The following PID1 variants were observed in gnomAD, a reference collection of about 807,000 sequenced individuals.
PID1 encodes PTB-containing, cubilin and LRP1-interacting protein.
A neutral mutation model predicts 19.1 loss-of-function variants in PID1; 10 were observed. The observed-to-expected ratio is 0.52, with a 90% CI of 0.32 to 0.89. PID1 has a LOEUF of 0.89. PID1 is among the 40% of genes least tolerant of loss of function. PID1 has a pLI of 0.03. For synonymous variants in PID1, 130 were observed against 116.0 expected (o/e 1.12, Z -0.78); for missense variants, 248 against 285.3 (o/e 0.87, Z 0.94).
chr2:229,170,677 T>C (rs538012059), intron 1 of PID1, among the ~76,000 whole-genome samples: 1 of 152,310 alleles, frequency 6.6e-6, no homozygotes, highest in East Asian at 1.9e-4. Flanking sequence ...GAAAGTTTAA[T>C]GTAAGTGATT....
At chr2:229,070,178 G>A (rs750106713) in intron 2 of PID1, among the ~76,000 whole-genome samples, 1 of 152,202 alleles carries the variant, frequency 6.6e-6, no homozygotes, top group Non-Finnish European at 1.5e-5. Flanking sequence ...AACAGGAAAT[G>A]CAAAGATGAC....
intron 2 of PID1, among the ~76,000 whole-genome samples, chr2:229,109,242 T>C (rs890817496): frequency 1.3e-5 from 2 of 152,162 alleles, no homozygotes; most frequent in African/African-American, 2.4e-5. Context: ...TTCTTCAATA[T>C]AGAATATTAA....
At chr2:229,143,408 A>G (rs11676654) in intron 2 of PID1, among the ~76,000 whole-genome samples, 30,513 of 152,040 alleles carry the variant, frequency 0.2, 3,267 homozygotes, top group Non-Finnish European at 0.23. Flanking sequence ...ATCTGTCCTT[A>G]TATCTTAAAT....
At chr2:229,191,035 T>C (rs1395559372) in intron 1 of PID1, among the ~76,000 whole-genome samples, 3 of 152,198 alleles carry the variant, frequency 2.0e-5, no homozygotes, top group Non-Finnish European at 2.9e-5. Context: ...AAAGGATCTT[T>C]AGGGGAGCAA....
Position 229,042,944 on chromosome 2 carries a change from A to AT in PID1, c.178-16837dup, listed in dbSNP as rs1334320967. 5.9e-5 allele frequency among the ~76,000 whole-genome samples: 9 copies of AT among 151,302 alleles called. No homozygotes were observed. The South Asian group carries it at 6.3e-4, about 11-fold the overall frequency. On this transcript the variant is annotated intron_variant, in intron 2 of 2. Transcript: ENST00000392055. Reference sequence around the variant, plus strand: ...CTATTAGATTTTTTTCTTTTTTTTAATTTTTTTTGAGAGAGAGAGAGAAAG... The same window carrying AT: ...CTATTAGATTTTTTTCTTTTTTTTAATTTTTTTTTGAGAGAGAGAGAGAAAG...
chr2:229,262,056 T>C (rs866578602), intron 1 of PID1, among the ~76,000 whole-genome samples: 3 of 152,146 alleles, frequency 2.0e-5, no homozygotes, highest in Non-Finnish European at 4.4e-5. Flanking sequence ...TCAATTTAAA[T>C]ATACTTCTTT....
chr2:229,129,116 G>T (rs1265305487), intron 2 of PID1, among the ~76,000 whole-genome samples: 1 of 152,170 alleles, frequency 6.6e-6, no homozygotes, highest in Non-Finnish European at 1.5e-5. Flanking sequence ...GCACACAACT[G>T]TGTACAGCTT....
chr2:229,256,864 T>C (rs969083399), intron 1 of PID1, among the ~76,000 whole-genome samples: 1 of 152,180 alleles, frequency 6.6e-6, no homozygotes, highest in Non-Finnish European at 1.5e-5. Context: ...TGTTATAATA[T>C]TATCCTTATT....
At chr2:229,086,910 T>TACACACACACAC (rs3083831) in intron 2 of PID1, among the ~76,000 whole-genome samples, 16,778 of 150,038 alleles carry the variant, frequency 0.11, 1,370 homozygotes, top group East Asian at 0.42. Context: ...CACACGTGTG[T>TACACACACACAC]ACACACACAC....
intron 1 of PID1, among the ~76,000 whole-genome samples, chr2:229,220,497 A>G (rs1691943287): frequency 6.6e-6 from 1 of 152,162 alleles, no homozygotes; most frequent in Non-Finnish European, 1.5e-5. Context: ...CAGTGAACCA[A>G]TAGGCAATGT....
intron 1 of PID1, among the ~76,000 whole-genome samples, chr2:229,166,381 C>A (rs1690597603): frequency 6.6e-6 from 1 of 152,128 alleles, no homozygotes; most frequent in African/African-American, 2.4e-5. Flanking sequence ...TTACAAATAT[C>A]CAAACCTACC....
intron 1 of PID1, among the ~76,000 whole-genome samples, chr2:229,240,418 G>A (rs2106275616): frequency 6.6e-6 from 1 of 152,172 alleles, no homozygotes; most frequent in African/African-American, 2.4e-5. Flanking sequence ...GTAACTCAGA[G>A]GTTCCCAAAC....
chr2:229,068,185 T>C (rs1574602134), intron 2 of PID1, among the ~76,000 whole-genome samples: 1 of 152,176 alleles, frequency 6.6e-6, no homozygotes, highest in Non-Finnish European at 1.5e-5. Flanking sequence ...AAACTACCCA[T>C]TGCCCTGGCA....
At chr2:229,249,463 G>A (rs1690090602) in intron 1 of PID1, among the ~76,000 whole-genome samples, 1 of 152,140 alleles carries the variant, frequency 6.6e-6, no homozygotes, top group South Asian at 2.1e-4. Context: ...ATTGAAGCAT[G>A]ACATAAATAT....
intron 1 of PID1, among the ~76,000 whole-genome samples, chr2:229,251,588 G>C (rs549268680): frequency 2.6e-4 from 40 of 152,148 alleles, no homozygotes; most frequent in Non-Finnish European, 4.3e-4. Context: ...AAATCGTTAT[G>C]CTACATAAAA....
intron 1 of PID1, among the ~76,000 whole-genome samples, chr2:229,170,204 A>ATGTG (rs541392780): frequency 2.0e-5 from 3 of 152,152 alleles, no homozygotes; most frequent in Admixed American, 6.5e-5. Context: ...TAATATAAAT[A>ATGTG]TGTGTGTGTA....
chr2:229,267,999 G>A (rs915597105), intron 1 of PID1, among the ~76,000 whole-genome samples: 1 of 152,146 alleles, frequency 6.6e-6, no homozygotes, highest in African/African-American at 2.4e-5. Flanking sequence ...ACTGTAAAAA[G>A]TTGGGGTGGT....
At chr2:229,267,576 C>G (rs59709556) in intron 1 of PID1, among the ~76,000 whole-genome samples, 1 of 152,112 alleles carries the variant, frequency 6.6e-6, no homozygotes, top group African/African-American at 2.4e-5. Context: ...TGACCTCCTT[C>G]GTTTCTAAGT....
chr2:229,227,343 A>T (rs1025857987), intron 1 of PID1, among the ~76,000 whole-genome samples: 1 of 152,214 alleles, frequency 6.6e-6, no homozygotes, highest in African/African-American at 2.4e-5. Flanking sequence ...CACTATATTG[A>T]ACAGTGCGGA....
Sources: gnomAD v4.1 joint callset for allele counts (sites outside exome capture counted in the v4.1 genomes callset) on GRCh38, gnomAD v4.1.1 for gene constraint, MANE v1.5 for transcripts, NCBI Gene and HGNC (gene_info 2026-07-23, HGNC 2026-07-21) for gene names.